DLGAP2: variants seen among roughly 807,000 people sequenced by gnomAD.
The protein encoded by DLGAP2 is DLG associated protein 2.
DLGAP2 carries 26 observed loss-of-function variants against 100.3 expected under a neutral mutation model. The observed-to-expected ratio is 0.26, with a 90% CI of 0.19 to 0.36. DLGAP2 has a LOEUF of 0.36. Among genes scored for constraint, DLGAP2 ranks in the 10% least tolerant of loss-of-function variants. The pLI is 1.00. For missense variants in DLGAP2, 1,858 were observed against 1,453.2 expected, an observed-to-expected ratio of 1.28 and a Z score of -4.53; for synonymous variants, 886 against 630.1, an observed-to-expected ratio of 1.41 and a Z score of -6.08.
At chr8:980,385 G>C (rs751940030) in intron 2 of DLGAP2, among the ~76,000 whole-genome samples, 71 of 152,296 alleles carry the variant, frequency 4.7e-4, no homozygotes, top group South Asian at 8.3e-4. Context: ...AGTGCGTAGG[G>C]ATAGACCTTC....
intron 2 of DLGAP2, among the ~76,000 whole-genome samples, chr8:947,251 T>A (rs1799350148): frequency 6.6e-6 from 1 of 152,030 alleles, no homozygotes; most frequent in Non-Finnish European, 1.5e-5. Context: ...CTACCAGGAA[T>A]CTCCCGGGGT....
intron 2 of DLGAP2, among the ~76,000 whole-genome samples, chr8:1,192,475 C>T (rs1268319552): frequency 4.6e-5 from 7 of 151,982 alleles, no homozygotes; most frequent in African/African-American, 1.7e-4. Context: ...GAACTGCAGT[C>T]ACCGTGATGA....
chr8:1,357,857 C>T lies in DLGAP2; in HGVS notation c.106+98974C>T, dbSNP rs556745399. Among the ~76,000 whole-genome samples the T allele has an allele frequency of 1.1e-4, 17 of 152,270 alleles. No homozygotes were observed. The East Asian group carries it at 2.7e-3, about 24-fold the overall frequency. ...CAGAGCACAGGGAGGGGGCAGGTCC[C>T]CATGGGGAGGAGCAGCTGCCCCTGC... is the stretch of plus-strand genomic sequence containing the variant. On this transcript the variant is annotated intron_variant, in intron 3 of 14. Coordinates refer to ENST00000637795, the MANE Select transcript of DLGAP2 (RefSeq NM_001346810.2).
At chr8:1,479,508 G>C (rs1368135631) in intron 3 of DLGAP2, among the ~76,000 whole-genome samples, 2 of 152,182 alleles carry the variant, frequency 1.3e-5, no homozygotes, top group Non-Finnish European at 2.9e-5. Flanking sequence ...ATCCTGAAAG[G>C]GGGTGGGGAA....
At chr8:1,649,495 T>C (rs779777348) in intron 8 of DLGAP2, among the ~76,000 whole-genome samples, 2 of 152,234 alleles carry the variant, frequency 1.3e-5, no homozygotes, top group African/African-American at 4.8e-5. Flanking sequence ...AATTAATCTT[T>C]GAACCCTTTT....
intron 3 of DLGAP2, among the ~76,000 whole-genome samples, chr8:1,387,292 A>G (rs967889769): frequency 1.3e-5 from 2 of 152,214 alleles, no homozygotes; most frequent in African/African-American, 4.8e-5. Context: ...GATTTTTGTA[A>G]AAGTGTATAC....
chr8:1,494,191 C>A (rs1423629898), intron 3 of DLGAP2, among the ~76,000 whole-genome samples: 1 of 152,226 alleles, frequency 6.6e-6, no homozygotes, highest in African/African-American at 2.4e-5. Context: ...CCTTTTCCAT[C>A]AAGAAATCCA....
At chr8:1,301,557 T>A (rs944820065) in intron 3 of DLGAP2, 2 of 152,210 alleles carry the variant, frequency 1.3e-5, no homozygotes, top group Non-Finnish European at 2.9e-5. Flanking sequence ...TTTCTTGCTG[T>A]CACAATCTTG....
At position 1,284,564 on chromosome 8, in the gene DLGAP2, T is replaced by C. The variant is rs185761920; in HGVS notation, c.106+25681T>C. Among the ~76,000 whole-genome samples the C allele has an allele frequency of 1.2e-4, 18 of 152,334 alleles. No homozygotes were observed. The East Asian group carries it at 3.5e-3, about 29-fold the overall frequency. ...CAGTGTTGCCTGTTTCTCTCAATTC[T>C]TTTTATTGCTCTTCTGTCCATCACA... is the stretch of plus-strand genomic sequence containing the variant. On this transcript the variant is annotated intron_variant, in intron 3 of 14. Transcript: ENST00000637795.
intron 1 of DLGAP2, among the ~76,000 whole-genome samples, chr8:903,264 G>T (rs1462999479): frequency 6.6e-6 from 1 of 152,078 alleles, no homozygotes; most frequent in Non-Finnish European, 1.5e-5. Flanking sequence ...AGCAGGTTGG[G>T]GAATAGCTGG....
chr8:1,037,222 C>T lies in DLGAP2; in HGVS notation c.73+129256C>T, dbSNP rs529583636. On this transcript the variant is annotated intron_variant, in intron 2 of 14. Coordinates refer to ENST00000637795, the MANE Select transcript of DLGAP2 (RefSeq NM_001346810.2). ...CCCCTGCCGTCCTGTCCTCCCGGCC[C>T]GAGCGCCCCGAGCTTTCCACCTTCC... 3.3e-5 allele frequency among the ~76,000 whole-genome samples: 5 copies of T among 152,222 alleles called. No individual in the cohort carries two copies. In the South Asian group the frequency reaches 8.3e-4, roughly 25 times the overall value.
At chr8:1,142,908 G>A (rs915581510) in intron 2 of DLGAP2, among the ~76,000 whole-genome samples, 1 of 152,200 alleles carries the variant, frequency 6.6e-6, no homozygotes, top group African/African-American at 2.4e-5. Flanking sequence ...AAAGCCAAGA[G>A]GGGTCGTATC....
intron 3 of DLGAP2, among the ~76,000 whole-genome samples, chr8:1,340,821 G>C (rs530405725): frequency 6.6e-6 from 1 of 152,162 alleles, no homozygotes; most frequent in South Asian, 2.1e-4. Context: ...TAGCAGAGAC[G>C]TGGAATCAAC....
chr8:1,387,467 T>G (rs1294225913), intron 3 of DLGAP2, among the ~76,000 whole-genome samples: 2 of 152,186 alleles, frequency 1.3e-5, no homozygotes, highest in Non-Finnish European at 2.9e-5. Context: ...GGCAGTCTGG[T>G]GCACGGGGGC....
At chr8:970,718 T>G (rs1272072028) in intron 2 of DLGAP2, among the ~76,000 whole-genome samples, 1 of 152,138 alleles carries the variant, frequency 6.6e-6, no homozygotes, top group Non-Finnish European at 1.5e-5. Context: ...CTCTTAAAAT[T>G]TAGTGTAGGA....
At chr8:957,166 A>C (rs1053708630) in intron 2 of DLGAP2, among the ~76,000 whole-genome samples, 1 of 152,214 alleles carries the variant, frequency 6.6e-6, no homozygotes, top group Non-Finnish European at 1.5e-5. Context: ...GGCTTCGGAG[A>C]GAGTCCTGGA....
chr8:1,448,193 G>C (rs1291911512), intron 3 of DLGAP2, among the ~76,000 whole-genome samples: 1 of 151,896 alleles, frequency 6.6e-6, no homozygotes, highest in Non-Finnish European at 1.5e-5. Flanking sequence ...TGTTGATTTT[G>C]GATCTTTCCT....
intron 2 of DLGAP2, among the ~76,000 whole-genome samples, chr8:1,243,030 C>CTAGGCA (rs1358566924): frequency 2.6e-5 from 4 of 152,214 alleles, no homozygotes; most frequent in African/African-American, 9.6e-5. Flanking sequence ...ACCACCTTCC[C>CTAGGCA]TAGGCAAACT....
chr8:1,338,651 A>T (rs1056142102), intron 3 of DLGAP2, among the ~76,000 whole-genome samples: 2 of 152,242 alleles, frequency 1.3e-5, no homozygotes, highest in African/African-American at 2.4e-5. Context: ...TTATTTTAAA[A>T]ATCTAAAACA....
Sources: allele counts gnomAD v4.1 joint callset (sites outside exome capture counted in the v4.1 genomes callset), GRCh38; gene constraint gnomAD v4.1.1; transcripts MANE v1.5; gene names NCBI Gene and HGNC (gene_info 2026-07-23, HGNC 2026-07-21).